AMPD3: variants seen among roughly 807,000 people sequenced by gnomAD.
The protein encoded by AMPD3 is AMP deaminase 3.
Under a neutral mutation model 82.3 loss-of-function variants are expected in AMPD3, and 57 were observed. That is an observed-to-expected ratio of 0.69 (90% CI 0.56 to 0.86). The LOEUF (loss-of-function observed/expected upper bound fraction) is 0.86. Ranked by LOEUF, AMPD3 falls within the 40% of genes least tolerant of loss-of-function variation. The pLI, the probability that AMPD3 is intolerant of heterozygous loss-of-function variation, is 0.00. For missense variants in AMPD3, 870 were observed against 1,003.8 expected, an observed-to-expected ratio of 0.87 and a Z score of 1.80; for synonymous variants, 381 against 394.7, an observed-to-expected ratio of 0.97 and a Z score of 0.41.
intron 2 of AMPD3, among the ~76,000 whole-genome samples, chr11:10,466,887 C>T (rs992232039): frequency 4.6e-5 from 7 of 152,314 alleles, no homozygotes; most frequent in African/African-American, 1.7e-4. Context: ...CCACTAGTGA[C>T]ACCCAGCCAA....
At chr11:10,496,595 G>A in intron 9 of AMPD3, 4 of 973,166 alleles carry the variant, frequency 4.1e-6, no homozygotes, top group Non-Finnish European at 4.9e-6. Context: ...TGCTCTGATG[G>A]GCATGGGTAG....
chr11:10,501,447 T>C (rs749221598), intron 11 of AMPD3, 23 bp from the exon 12 acceptor site: 6 of 1,611,736 alleles, frequency 3.7e-6, no homozygotes, highest in Non-Finnish European at 5.1e-6. Flanking sequence ...GCCTTCCTGA[T>C]TCGGAAACCC....
chr11:10,464,548 T>C (rs911670913), intron 2 of AMPD3, among the ~76,000 whole-genome samples: 4 of 152,116 alleles, frequency 2.6e-5, no homozygotes, highest in Admixed American at 2.0e-4. Context: ...TAGAATGTAA[T>C]TGTTGCTTCT....
At chr11:10,496,718 A>G (rs1849412455) in intron 9 of AMPD3, 94 bp from the exon 10 acceptor site, 1 of 1,597,410 alleles carries the variant, frequency 6.3e-7, no homozygotes, top group Non-Finnish European at 8.6e-7. Flanking sequence ...TTTGATGGGG[A>G]CACAGGGTGC....
At chr11:10,464,613 C>A (rs1279143323) in intron 2 of AMPD3, among the ~76,000 whole-genome samples, 4 of 152,248 alleles carry the variant, frequency 2.6e-5, no homozygotes, top group East Asian at 1.9e-4. Context: ...CGGCTTCTTT[C>A]CTGAAAAAAA....
At chr11:10,493,801 C>T (rs1591477886) in intron 7 of AMPD3, 2 of 561,446 alleles carry the variant, frequency 3.6e-6, no homozygotes, top group East Asian at 3.1e-5. Context: ...GTTTTGTGCC[C>T]TTAGGCAACT....
At chr11:10,486,841 G>T (rs1849084818) in intron 5 of AMPD3, 1 of 985,390 alleles carries the variant, frequency 1.0e-6, no homozygotes. Context: ...GACTTCCACT[G>T]AGCATCCACT....
chr11:10,451,846 G>A (rs74442188), upstream of AMPD3, among the ~76,000 whole-genome samples: 4,190 of 152,320 alleles, frequency 0.028, 84 homozygotes, highest in South Asian at 0.072. Context: ...AACCTGCAGA[G>A]GAGAAATTCT....
At chr11:10,455,238 G>A (rs1365704123), upstream of AMPD3, 2 of 985,316 alleles carry the variant, frequency 2.0e-6, no homozygotes, top group Non-Finnish European at 2.4e-6. Context: ...TCACTGGGAG[G>A]CTATGTGTCT....
rs543089099 is a variant in AMPD3 at position 10,492,040 on chromosome 11, T to C, written c.940-1309T>C. 2.4e-4 allele frequency among the ~76,000 whole-genome samples: 36 copies of C among 152,254 alleles called. No homozygotes were observed. The South Asian group carries it at 3.7e-3, about 16-fold the overall frequency. ...CAAGAAATTCCATTATTAAGAGGTCTGGTAGTGAGGATGAGCTGACTAAGG... is the reference window on the plus strand; with the variant it reads ...CAAGAAATTCCATTATTAAGAGGTCCGGTAGTGAGGATGAGCTGACTAAGG... On this transcript the variant is annotated intron_variant, in intron 6 of 14. Coordinates refer to ENST00000396553, the MANE Select transcript of AMPD3 (RefSeq NM_001025389.2).
At chr11:10,476,871 G>T (rs767598818) in intron 2 of AMPD3, 277 of 970,394 alleles carry the variant, frequency 2.9e-4, no homozygotes, top group Non-Finnish European at 3.3e-4. Context: ...AGCTGAGGCT[G>T]GGGGCTCCCA....
chr11:10,497,292 GT>G (rs553353384), intron 10 of AMPD3, among the ~76,000 whole-genome samples: 9 of 150,998 alleles, frequency 6.0e-5, no homozygotes, highest in Middle Eastern at 3.4e-3. Context: ...GCAGCCTCAG[GT>G]TTTTTTTTCG....
upstream of AMPD3, chr11:10,451,088 C>G (rs779368752): frequency 5.2e-6 from 8 of 1,551,976 alleles, no homozygotes; most frequent in Admixed American, 1.8e-5. Flanking sequence ...GCCAGCCCCG[C>G]GGACCCTGCG....
chr11:10,488,063 G>A (rs969401462), intron 6 of AMPD3, among the ~76,000 whole-genome samples: 2 of 151,898 alleles, frequency 1.3e-5, no homozygotes, highest in South Asian at 2.1e-4. Flanking sequence ...TGCATCCTTC[G>A]GGATCATGTG....
rs916438691 is a variant in AMPD3, at chr11:10,473,357, C to T, written c.222-5169C>T. 5.1e-6 allele frequency: 5 copies of T among 979,084 alleles called. No individual in the cohort carries two copies. In the African/African-American group the frequency reaches 8.8e-5, roughly 17 times the overall value. 60.6% of individuals were successfully genotyped at this position (979,084 alleles called of 1,614,324 possible). A position where few individuals can be genotyped will look rare whatever the true frequency, so the allele number is the denominator to read the frequency against. ...AGTACAGATTGCACTTCATTTTCAT[C>T]TCCAGGTCTTTAGGGAGGAAGGGCA... On this transcript the variant is annotated intron_variant, in intron 2 of 14. Transcript: ENST00000396553.
rs767990716 is a variant in AMPD3, at chr11:10,502,802, G to A, written c.1924G>A (p.Glu642Lys). 6 of 1,613,984 alleles carry A rather than the reference G, an allele frequency of 3.7e-6. No homozygotes were observed. Among genetic ancestry groups the A allele is most frequent in the South Asian group, 1.1e-5 (1 of 91,086 alleles). Residue 642 changes from glutamate to lysine, a missense_variant, in exon 13 of 15, where the codon GAA (glutamate) becomes AAA (lysine). Physicochemically the swap from Glu to Lys is moderately conservative, Grantham distance 56. Coordinates refer to ENST00000396553, the MANE Select transcript of AMPD3 (RefSeq NM_001025389.2). ...SPLSNNSLFLEYSKNPLREFL... is the reference protein window; with the variant it reads ...SPLSNNSLFLKYSKNPLREFL... ...TCTTAGCAACAACAGTTTGTTCCTC[G>A]AATATTCCAAGAACCCTCTGAGGGA...
At chr11:10,455,825 A>T (rs1029767408) in intron 1 of AMPD3, 2 of 862,204 alleles carry the variant, frequency 2.3e-6, no homozygotes, top group East Asian at 1.2e-4. Flanking sequence ...GGGCTGCTTT[A>T]GGGGGGCTTT....
rs916027652 is a variant in AMPD3, at chr11:10,458,433, G to T, written c.-6+2985G>T. On this transcript the variant is annotated intron_variant, in intron 1 of 14. Transcript: ENST00000396553. ...TACTCATTTTCTTTCTATTCTCTTT[G>T]TATTTGTTAAAAATGGCATTATAAT... 2.0e-5 allele frequency among the ~76,000 whole-genome samples: 3 copies of T among 151,676 alleles called. No individual in the cohort carries two copies. The Middle Eastern group carries it at 0.01, about 516-fold the overall frequency.
intron 8 of AMPD3, 174 bp from the exon 9 acceptor site, chr11:10,495,396 C>G: frequency 1.0e-6 from 1 of 984,342 alleles, no homozygotes; most frequent in Non-Finnish European, 1.2e-6. Context: ...GGGGGCCTCT[C>G]CTAAAGTGGA....
Sources: gnomAD v4.1 joint callset for allele counts (sites outside exome capture counted in the v4.1 genomes callset) on GRCh38, gnomAD v4.1.1 for gene constraint, MANE v1.5 for transcripts, NCBI Gene and HGNC (gene_info 2026-07-23, HGNC 2026-07-21) for gene names.